VPS11: variants seen among roughly 807,000 people sequenced by gnomAD.
VPS11 encodes the protein VPS11 core subunit of CORVET and HOPS complexes, also known as vacuolar protein sorting-associated protein 11 homolog.
In VPS11, 51 loss-of-function variants were observed where a neutral mutation model predicts 106.8. That is an observed-to-expected ratio of 0.48 (90% CI 0.38 to 0.60). The LOEUF (loss-of-function observed/expected upper bound fraction) is 0.60, where lower values mean the gene tolerates loss of function less well. VPS11 is among the 20% of genes least tolerant of loss of function. The pLI is 0.00. For missense variants in VPS11, 950 were observed against 1,190.0 expected (o/e 0.80, Z 2.97); for synonymous variants, 453 against 458.7 (o/e 0.99, Z 0.16).
chr11:119,067,857 T>C lies in VPS11; in HGVS notation c.34T>C (p.Phe12Leu). The change falls in exon 1 of 16, where the codon TTC becomes CTC. Residue 12 changes from phenylalanine to leucine, a missense_variant. By Grantham distance (22) the Phe-to-Leu change is conservative. Coordinates refer to ENST00000621676, the MANE Select transcript of VPS11 (RefSeq NM_021729.6). The stretch of plus-strand genomic sequence containing the variant: ...CTACCTGCAGTGGCGGCGCTTCGTT[T>C]TCTTCGACAAGGAGCTGGTGAAGGA... ...AAYLQWRRFV[F>L]FDKELVKEPL... 1 of 1,561,996 alleles carries C rather than the reference T, an allele frequency of 6.4e-7. No homozygotes were observed. The highest frequency in any genetic ancestry group is 8.7e-7 in the Non-Finnish European group (1 of 1,152,072).
At chr11:119,073,777 T>A (rs1945492569) in intron 6 of VPS11, 23 bp from the exon 7 acceptor site, 26 of 1,594,464 alleles carry the variant, frequency 1.6e-5, no homozygotes, top group Non-Finnish European at 2.1e-5. Flanking sequence ...TCTACCAATT[T>A]TCTAATCTCT....
At position 119,073,050 on chromosome 11, in the gene VPS11, C is replaced by T. The variant is rs1428261400; in HGVS notation, c.885-148C>T. 1.8e-5 allele frequency: 15 copies of T among 832,804 alleles called. No homozygotes were observed. In the Admixed American group the frequency reaches 2.0e-4, roughly 11 times the overall value. 51.6% of individuals were successfully genotyped at this position (832,804 alleles called of 1,614,324 possible). ...TTATGTGTTCTCTATGTACAACTACCGGCACAGCGCTGCATGTTATGGGAT... is the reference window on the plus strand; with the variant it reads ...TTATGTGTTCTCTATGTACAACTACTGGCACAGCGCTGCATGTTATGGGAT... On this transcript the variant is annotated intron_variant, in intron 5 of 15. Coordinates refer to ENST00000621676, the MANE Select transcript of VPS11 (RefSeq NM_021729.6).
At position 119,077,029 on chromosome 11, in the gene VPS11, C is replaced by A. The variant is rs371834293; in HGVS notation, c.1371C>A (p.Leu457=). 3 of 1,613,808 alleles carry A rather than the reference C, an allele frequency of 1.9e-6. No individual in the cohort carries two copies. The highest frequency in any genetic ancestry group is 2.5e-6 in the Non-Finnish European group (3 of 1,179,814). ...CCAATGCCGACCATACCACCCTGCT[C>A]CTCAACTGCTATACCAAGCTCAAGG... ...SLANADHTTL[L]LNCYTKLKDS... is the part of the protein sequence containing the mutation. Residue 457 remains leucine, a synonymous_variant, in exon 8 of 16, where the codon CTC becomes CTA. Coordinates refer to ENST00000621676, the MANE Select transcript of VPS11 (RefSeq NM_021729.6).
In VPS11 at chr11:119,081,700, A is replaced by G. The variant is rs1945859286; in HGVS notation, c.*77A>G. 2.6e-6 allele frequency: 4 copies of G among 1,541,224 alleles called. No homozygotes were observed. Among genetic ancestry groups the G allele is most frequent in the South Asian group, 1.2e-5 (1 of 84,170 alleles). On this transcript the variant is annotated 3_prime_UTR_variant, in exon 16 of 16. Coordinates refer to ENST00000621676, the MANE Select transcript of VPS11 (RefSeq NM_021729.6). Reference sequence around the variant, plus strand: ...AATGGGACCTGGGCGGGCGTTACACAGAAGGCTGGCTGACATGCCCAGGGC... The same window carrying G: ...AATGGGACCTGGGCGGGCGTTACACGGAAGGCTGGCTGACATGCCCAGGGC...
chr11:119,074,554 C>A (rs971746582), intron 7 of VPS11, among the ~76,000 whole-genome samples: 1 of 152,144 alleles, frequency 6.6e-6, no homozygotes, highest in Non-Finnish European at 1.5e-5. Flanking sequence ...CAGGATCATG[C>A]TGCCATGCCT....
intron 3 of VPS11, 62 bp downstream of exon 3, chr11:119,069,639 T>A (rs375955646): frequency 6.2e-7 from 1 of 1,608,024 alleles, no homozygotes; most frequent in Non-Finnish European, 8.5e-7. Flanking sequence ...GAGTTGCTTC[T>A]GCCTCTCATC....
intron 11 of VPS11, 89 bp downstream of exon 11, chr11:119,078,423 A>T: frequency 6.3e-7 from 1 of 1,577,680 alleles, no homozygotes; most frequent in Non-Finnish European, 8.6e-7. Flanking sequence ...TGCATTCCTT[A>T]GACCAGTAAC....
intron 4 of VPS11, 39 bp downstream of exon 4, chr11:119,070,436 G>A: frequency 6.3e-7 from 1 of 1,578,610 alleles, no homozygotes; most frequent in Non-Finnish European, 8.6e-7. Context: ...CAGGCAGGGA[G>A]GGCTTCTCCA....
intron 14 of VPS11, among the ~76,000 whole-genome samples, chr11:119,079,644 C>T (rs1006021567): frequency 1.2e-4 from 18 of 152,126 alleles, no homozygotes; most frequent in Non-Finnish European, 2.2e-4. Flanking sequence ...GGTGTGATCA[C>T]GGCTCACTGC....
intron 14 of VPS11, among the ~76,000 whole-genome samples, chr11:119,080,083 G>A (rs1244640355): frequency 2.6e-5 from 4 of 151,918 alleles, no homozygotes; most frequent in Admixed American, 1.3e-4. Context: ...TTTTGAGATA[G>A]AGTCTCACTC....
intron 3 of VPS11, among the ~76,000 whole-genome samples, chr11:119,069,999 A>AAATAAAT (rs1945309500): frequency 7.1e-6 from 1 of 141,708 alleles, no homozygotes; most frequent in East Asian, 2.1e-4. Context: ...ACTCTGTCTC[A>AAATAAAT]AAATAAATAA....
At chr11:119,071,898 C>A in intron 5 of VPS11, 55 bp downstream of exon 5, 1 of 1,574,656 alleles carries the variant, frequency 6.4e-7, no homozygotes, top group Non-Finnish European at 8.6e-7. Context: ...CCCCAGAATC[C>A]GCCTGATTTT....
intron 7 of VPS11, 81 bp downstream of exon 7, chr11:119,074,032 G>C: frequency 2.0e-6 from 3 of 1,473,604 alleles, no homozygotes; most frequent in Non-Finnish European, 2.8e-6. Flanking sequence ...CATGCTCCAG[G>C]TAGGGGCTAG....
chr11:119,074,073 T>C (rs1169325), intron 7 of VPS11, 122 bp downstream of exon 7: 21,751 of 1,281,946 alleles, frequency 0.017, 640 homozygotes, highest in African/African-American at 0.11. Flanking sequence ...TTGTTTTTGG[T>C]TTTTTGTTTG....
intron 8 of VPS11, 111 bp downstream of exon 8, chr11:119,077,194 A>ACCC: frequency 7.5e-7 from 1 of 1,335,886 alleles, no homozygotes. Flanking sequence ...GGCTGACCTT[A>ACCC]TTTAGAGGAG....
chr11:119,074,288 G>A (rs1945515306), intron 7 of VPS11, among the ~76,000 whole-genome samples: 1 of 152,146 alleles, frequency 6.6e-6, no homozygotes, highest in African/African-American at 2.4e-5. Context: ...GTTTCACCAT[G>A]TTAGCCAGGC....
At chr11:119,070,028 AAAAT>A (rs1463906821) in intron 3 of VPS11, among the ~76,000 whole-genome samples, 1 of 28,098 alleles carries the variant, frequency 3.6e-5, no homozygotes, top group Admixed American at 2.2e-4. Flanking sequence ...ATAAATAAAT[AAAAT>A]AAATAAAGTT....
At chr11:119,071,963 A>G in intron 5 of VPS11, 120 bp downstream of exon 5, 1 of 1,345,448 alleles carries the variant, frequency 7.4e-7, no homozygotes, top group Non-Finnish European at 1.0e-6. Flanking sequence ...GGTGTTATGT[A>G]GGTAACATTT....
chr11:119,075,542 TAAAAAAAA>T (rs1555202802), intron 7 of VPS11, among the ~76,000 whole-genome samples: 7 of 111,634 alleles, frequency 6.3e-5, no homozygotes, highest in African/African-American at 2.6e-4. Context: ...CTGTCTCCAC[TAAAAAAAA>T]AAAAAAAAAA....
Sources: gnomAD v4.1 joint callset for allele counts (sites outside exome capture counted in the v4.1 genomes callset) on GRCh38, gnomAD v4.1.1 for gene constraint, MANE v1.5 for transcripts, NCBI Gene and HGNC (gene_info 2026-07-23, HGNC 2026-07-21) for gene names.